Variants in ACMSD observed in about 807,000 individuals in gnomAD.
The protein encoded by ACMSD is aminocarboxymuconate semialdehyde decarboxylase.
In ACMSD, 37 loss-of-function variants were observed where a neutral mutation model predicts 45.9. That is an observed-to-expected ratio of 0.81 (90% CI 0.62 to 1.06). The LOEUF is 1.06. ACMSD is among the 50% of genes least tolerant of loss of function. The probability of loss-of-function intolerance (pLI) is 0.00; values close to 1 mark genes in which losing one functional copy is unlikely to be tolerated. For missense variants in ACMSD, 434 were observed against 420.9 expected (o/e 1.03, Z -0.27); for synonymous variants, 138 against 148.8 (o/e 0.93, Z 0.53).
At chr2:134,898,203 C>T in intron 8 of ACMSD, 138 bp from the exon 9 acceptor site, 1 of 505,148 alleles carries the variant, frequency 2.0e-6, no homozygotes, top group Non-Finnish European at 3.3e-6. Flanking sequence ...AAATTTTAGA[C>T]AAGTTTTATG....
chr2:134,888,320 G>C (rs1228108085), intron 8 of ACMSD, among the ~76,000 whole-genome samples: 1 of 152,118 alleles, frequency 6.6e-6, no homozygotes, highest in Non-Finnish European at 1.5e-5. Context: ...ACTATGATGA[G>C]AAAACACTGC....
At chr2:134,843,422 G>A (rs1422896738) in intron 1 of ACMSD, among the ~76,000 whole-genome samples, 1 of 152,224 alleles carries the variant, frequency 6.6e-6, no homozygotes, top group East Asian at 1.9e-4. Context: ...GACTGGTATA[G>A]AATTAATCCA....
intron 6 of ACMSD, among the ~76,000 whole-genome samples, chr2:134,870,526 T>C (rs1273526417): frequency 6.6e-6 from 1 of 152,180 alleles, no homozygotes; most frequent in Non-Finnish European, 1.5e-5. Flanking sequence ...GACATCATTA[T>C]TTGCAAGGCT....
chr2:134,860,245 A>G (rs1208801626), intron 3 of ACMSD, among the ~76,000 whole-genome samples: 1 of 152,220 alleles, frequency 6.6e-6, no homozygotes, highest in Non-Finnish European at 1.5e-5. Flanking sequence ...CCTGGGCAAC[A>G]AAGTGAGACT....
intron 8 of ACMSD, among the ~76,000 whole-genome samples, chr2:134,880,323 G>T (rs894183547): frequency 2.6e-5 from 4 of 152,036 alleles, no homozygotes; most frequent in Non-Finnish European, 2.9e-5. Flanking sequence ...CTTGATATAG[G>T]TCTATTTTCA....
At chr2:134,887,269 T>C (rs1689516995) in intron 8 of ACMSD, among the ~76,000 whole-genome samples, 1 of 152,036 alleles carries the variant, frequency 6.6e-6, no homozygotes, top group African/African-American at 2.4e-5. Context: ...AAAAGAAAAA[T>C]AAGTTAAAAA....
intron 9 of ACMSD, among the ~76,000 whole-genome samples, chr2:134,900,099 AAAAT>A (rs1188797344): frequency 6.6e-6 from 1 of 152,212 alleles, no homozygotes; most frequent in Admixed American, 6.5e-5. Context: ...AATTTAAAAT[AAAAT>A]AAATAAATCC....
intron 2 of ACMSD, among the ~76,000 whole-genome samples, chr2:134,846,106 A>G (rs1687041498): frequency 6.6e-6 from 1 of 152,188 alleles, no homozygotes; most frequent in Admixed American, 6.5e-5. Context: ...CCCATCCCAC[A>G]TCTTAAAGCA....
At chr2:134,850,268 T>C (rs568500921) in intron 2 of ACMSD, among the ~76,000 whole-genome samples, 7 of 114,642 alleles carry the variant, frequency 6.1e-5, no homozygotes, top group African/African-American at 2.3e-4. Context: ...AAAATAGATT[T>C]CTTTTTTTTT....
intron 8 of ACMSD, among the ~76,000 whole-genome samples, chr2:134,886,455 A>G (rs895771560): frequency 3.3e-5 from 5 of 151,820 alleles, no homozygotes; most frequent in Non-Finnish European, 7.4e-5. Context: ...TCACCGCGTT[A>G]GCCAGGATGA....
chr2:134,884,677 T>C (rs1689223491), intron 8 of ACMSD, among the ~76,000 whole-genome samples: 1 of 152,192 alleles, frequency 6.6e-6, no homozygotes. Flanking sequence ...AGGACTATTA[T>C]CAGCAGGTGT....
intron 5 of ACMSD, 49 bp from the exon 6 acceptor site, chr2:134,867,530 C>G: frequency 6.9e-7 from 1 of 1,444,826 alleles, no homozygotes; most frequent in Non-Finnish European, 9.7e-7. Context: ...CTGGTATCTG[C>G]TCACTCATCA....
intron 8 of ACMSD, among the ~76,000 whole-genome samples, chr2:134,884,610 A>G (rs4954193): frequency 0.6 from 90,978 of 151,878 alleles, 29,241 homozygotes; most frequent in Middle Eastern, 0.91. Context: ...CAAGCAGACA[A>G]TTCAGAATGA....
chr2:134,875,074 C>T (rs1688664161), intron 8 of ACMSD, among the ~76,000 whole-genome samples: 1 of 152,196 alleles, frequency 6.6e-6, no homozygotes, highest in Admixed American at 6.5e-5. Context: ...GATCACAGCT[C>T]ACTGCAACCT....
At chr2:134,892,332 G>A (rs1337369781) in intron 8 of ACMSD, among the ~76,000 whole-genome samples, 3 of 151,836 alleles carry the variant, frequency 2.0e-5, no homozygotes, top group Non-Finnish European at 2.9e-5. Flanking sequence ...AACTAGTAAA[G>A]GGAAATTAAT....
chr2:134,877,035 A>G (rs1452680954), intron 8 of ACMSD, among the ~76,000 whole-genome samples: 3 of 152,146 alleles, frequency 2.0e-5, no homozygotes, highest in Admixed American at 6.6e-5. Flanking sequence ...GGCCTCCCTA[A>G]GTGCTGTGAT....
chr2:134,856,134 T>A (rs1272764351), intron 2 of ACMSD, among the ~76,000 whole-genome samples: 1 of 152,246 alleles, frequency 6.6e-6, no homozygotes, highest in African/African-American at 2.4e-5. Context: ...ATGGATTATC[T>A]TATTTCATGC....
At chr2:134,871,872 G>A (rs756587331) in intron 7 of ACMSD, among the ~76,000 whole-genome samples, 8 of 151,804 alleles carry the variant, frequency 5.3e-5, no homozygotes, top group South Asian at 2.1e-4. Context: ...GATAGCCCCC[G>A]ACTGATAGGT....
chr2:134,897,217 GTTAT>G (rs1159101444), intron 8 of ACMSD, among the ~76,000 whole-genome samples: 1 of 151,816 alleles, frequency 6.6e-6, no homozygotes, highest in Non-Finnish European at 1.5e-5. Flanking sequence ...GGAAATTAAT[GTTAT>G]TTGTTTCTTA....
Sources: gnomAD v4.1 joint callset for allele counts (sites outside exome capture counted in the v4.1 genomes callset) on GRCh38, gnomAD v4.1.1 for gene constraint, MANE v1.5 for transcripts, NCBI Gene and HGNC (gene_info 2026-07-23, HGNC 2026-07-21) for gene names.